The following CFD variants were observed in gnomAD, a reference collection of about 807,000 sequenced individuals.
The protein encoded by CFD is complement factor D, also known as C3 convertase activator.
CFD carries 24 observed loss-of-function variants against 21.1 expected under a neutral mutation model. The ratio of observed to expected loss-of-function variants is 1.14; its 90% confidence interval spans 0.82 to 1.60. The LOEUF (loss-of-function observed/expected upper bound fraction) is 1.60. Ranked by LOEUF, CFD falls within the 40% of genes most tolerant of loss-of-function variation. The pLI is 0.00. For synonymous variants in CFD, 242 were observed against 175.9 expected, an observed-to-expected ratio of 1.38 and a Z score of -2.97; for missense variants, 535 against 383.3, an observed-to-expected ratio of 1.40 and a Z score of -3.31.
At chr19:861,081 G>C in intron 3 of CFD, 76 bp downstream of exon 3, 2 of 1,473,510 alleles carry the variant, frequency 1.4e-6, no homozygotes, top group South Asian at 2.4e-5. Flanking sequence ...CGCCTACACC[G>C]CGCCCCGGGT....
At chr19:862,967 C>A in intron 4 of CFD, 125 bp from the exon 5 acceptor site, 1 of 1,022,230 alleles carries the variant, frequency 9.8e-7, no homozygotes, top group Non-Finnish European at 1.4e-6. Flanking sequence ...CTAGTGAAGA[C>A]CAAATTAACA....
rs1214926643 is a variant in CFD at position 863,202 on chromosome 19, G to A, written c.726G>A (p.Ala242=). Residue 242 remains alanine, a synonymous_variant, in exon 5 of 5, where the codon GCG becomes GCA. Transcript: ENST00000327726. ...RKKPGIYTRV[A]SYAAWIDSVL... is the part of the protein sequence containing the mutation. ...AGCCCGGGATCTACACCCGCGTGGCGAGCTATGCGGCCTGGATCGACAGCG... is the reference window on the plus strand; with the variant it reads ...AGCCCGGGATCTACACCCGCGTGGCAAGCTATGCGGCCTGGATCGACAGCG... 12 of 1,541,090 alleles carry A rather than the reference G, an allele frequency of 7.8e-6. No homozygotes were observed. Among genetic ancestry groups the A allele is most frequent in the Admixed American group, 2.0e-5 (1 of 51,140 alleles).
chr19:859,834 AG>A, intron 1 of CFD, 90 bp downstream of exon 1: 1 of 955,490 alleles, frequency 1.0e-6, no homozygotes, highest in Non-Finnish European at 1.6e-6. Context: ...CAGCCCCTCC[AG>A]GTGGGCAGGA....
intron 1 of CFD, 79 bp downstream of exon 1, chr19:859,823 C>T (rs1410435642): frequency 1.4e-5 from 16 of 1,117,190 alleles, no homozygotes; most frequent in Admixed American, 4.0e-5. Flanking sequence ...GGACGGTCCT[C>T]CAGCCCCTCC....
Position 863,262 on chromosome 19 carries a change from G to A in CFD, c.*24G>A, listed in dbSNP as rs566157889. The stretch of plus-strand genomic sequence containing the variant: ...AGGGTGCCGGGGCCTGAAGGTCAGG[G>A]TCACCCAAGCAACAAAGTCCCGAGC... On this transcript the variant is annotated 3_prime_UTR_variant, in exon 5 of 5. Transcript: ENST00000327726. 1.9e-6 allele frequency: 3 copies of A among 1,546,670 alleles called. No individual in the cohort carries two copies. The Admixed American group carries it at 5.8e-5, about 30-fold the overall frequency.
chr19:861,091 T>G, intron 3 of CFD, 86 bp downstream of exon 3: 1 of 1,411,352 alleles, frequency 7.1e-7, no homozygotes. Context: ...GCGCCCCGGG[T>G]CCAGCCTCGA....
rs1418511123 is a variant in CFD, at chr19:863,583, C to T, written c.*345C>T. On this transcript the variant is annotated 3_prime_UTR_variant, in exon 5 of 5. Coordinates refer to ENST00000327726, the MANE Select transcript of CFD (RefSeq NM_001928.4). ...CACCACTGCCCTCCAGCCTGGGCAACAGAGTGAAACCTTGTCTCTCTCTAC... is the reference window on the plus strand; with the variant it reads ...CACCACTGCCCTCCAGCCTGGGCAATAGAGTGAAACCTTGTCTCTCTCTAC... 6 of 257,106 alleles carry T rather than the reference C, an allele frequency of 2.3e-5. No homozygotes were observed. The highest frequency in any genetic ancestry group is 4.8e-5 in the African/African-American group (2 of 41,512). The allele number at this position is 257,106 out of a possible 1,614,324, so 15.9% of individuals were successfully genotyped here.
In CFD at chr19:861,703, C is replaced by T. The variant is rs375772213; in HGVS notation, c.362C>T (p.Ser121Leu). ...IDHDLLLLQLSEKATLGPAVR... is the reference protein window; with the variant it reads ...IDHDLLLLQLLEKATLGPAVR... Reference sequence around the variant, plus strand: ...GACGTCCGCCTCCACCCTCAGCTGTCGGAGAAGGCCACACTGGGCCCTGCT... The same window carrying T: ...GACGTCCGCCTCCACCCTCAGCTGTTGGAGAAGGCCACACTGGGCCCTGCT... The change falls in exon 4 of 5, where the codon TCG becomes TTG. Residue 121 changes from serine to leucine, a missense_variant. Physicochemically the swap from Ser to Leu is moderately radical, Grantham distance 145. Transcript: ENST00000327726. 145 of 1,600,582 alleles carry T rather than the reference C, an allele frequency of 9.1e-5. No homozygotes were observed. The highest frequency in any genetic ancestry group is 3.6e-4 in the Middle Eastern group (2 of 5,588).
chr19:861,462 C>T lies in CFD; in HGVS notation c.358-237C>T, dbSNP rs1420600779. ...GGGAGCCCCCCACCCCCCGCTCCCCCTGCATCCCCATCCCGGTTCCAGCCT... is the reference window on the plus strand; with the variant it reads ...GGGAGCCCCCCACCCCCCGCTCCCCTTGCATCCCCATCCCGGTTCCAGCCT... On this transcript the variant is annotated intron_variant, in intron 3 of 4. Coordinates refer to ENST00000327726, the MANE Select transcript of CFD (RefSeq NM_001928.4). 2.1e-5 allele frequency among the ~76,000 whole-genome samples: 3 copies of T among 141,814 alleles called. No individual in the cohort carries two copies. The Admixed American group carries it at 2.1e-4, about 10-fold the overall frequency. The allele number at this position is 141,814 out of a possible 152,430, so 93.0% of individuals were successfully genotyped here.
chr19:861,821 C>A lies in CFD; in HGVS notation c.480C>A (p.Gly160=), dbSNP rs575456948. 3.8e-5 allele frequency: 61 copies of A among 1,602,062 alleles called. No individual in the cohort carries two copies. Among genetic ancestry groups the A allele is most frequent in the Non-Finnish European group, 9.3e-6 (11 of 1,178,998 alleles). ...GCTGGGGCATAGTCAACCACGCGGG[C>A]CGCCGCCCGGACAGCCTGCAGCACG... The part of the protein sequence containing the change: ...VAGWGIVNHA[G]RRPDSLQHVL... Residue 160 remains glycine (G), a synonymous_variant, in exon 4 of 5, where the codon GGC becomes GGA. Transcript: ENST00000327726.
chr19:860,430 A>ACCCCCCCCCAC, intron 1 of CFD, among the ~76,000 whole-genome samples, 187 bp from the exon 2 acceptor site: 1 of 140,440 alleles, frequency 7.1e-6, no homozygotes, highest in South Asian at 2.2e-4. Flanking sequence ...CATGATCTGC[A>ACCCCCCCCCAC]CCCCCCCCTC....
rs72025627 is a variant in CFD, at chr19:860,430, A to ACT, written c.56-186_56-185insTC. ...TTGAACTCCTGACCTCATGATCTGC[A>ACT]CCCCCCCCTCCCCCCCCGCCCCCGC... is the stretch of plus-strand genomic sequence containing the variant. On this transcript the variant is annotated intron_variant, in intron 1 of 4. Coordinates refer to ENST00000327726, the MANE Select transcript of CFD (RefSeq NM_001928.4). Among the ~76,000 whole-genome samples, 9 of 140,440 alleles carry ACT rather than the reference A, an allele frequency of 6.4e-5. No homozygotes were observed. The East Asian group carries it at 1.9e-3, about 30-fold the overall frequency. The allele number at this position is 140,440 out of a possible 152,430, so 92.1% of individuals were successfully genotyped here.
rs1271250575 is a variant in CFD, at chr19:863,071, G to A, written c.616-21G>A. 6.0e-6 allele frequency: 9 copies of A among 1,500,682 alleles called. 1 individual carries two copies. In the Admixed American group the frequency reaches 6.2e-5, roughly 10 times the overall value. The allele number at this position is 1,500,682 out of a possible 1,614,324, so 93.0% of individuals were successfully genotyped here. ...GGGGTGGGCGCGGGCCGCCCCTCAC[G>A]GCCCCGTCCTGTTCCGGCAGGGTGA... On this transcript the variant is annotated intron_variant, in intron 4 of 4. Transcript: ENST00000327726.
Position 863,141 on chromosome 19 carries a change from T to C in CFD, c.665T>C (p.Val222Ala), listed in dbSNP as rs748165463. The change falls in exon 5 of 5, where the codon GTC (valine) becomes GCC (alanine). Residue 222 changes from valine to alanine, a missense_variant. Val to Ala is a moderately conservative substitution (Grantham distance 64, BLOSUM62 0). Coordinates refer to ENST00000327726, the MANE Select transcript of CFD (RefSeq NM_001928.4). Reference protein sequence around the residue: ...LVCGGVLEGVVTSGSRVCGNR... With the variant: ...LVCGGVLEGVATSGSRVCGNR... ...TGCGGGGGCGTGCTCGAGGGCGTGG[T>C]CACCTCGGGCTCGCGCGTTTGCGGC... The C allele has an allele frequency of 3.3e-5, 50 of 1,534,186 alleles. No individual in the cohort carries two copies. The highest frequency in any genetic ancestry group is 4.1e-5 in the Non-Finnish European group (47 of 1,145,110).
rs753097110 is a variant in CFD, at chr19:860,970, C to T, written c.322C>T (p.Pro108Ser). 1.4e-5 allele frequency: 22 copies of T among 1,599,882 alleles called. No homozygotes were observed. Among genetic ancestry groups the T allele is most frequent in the Non-Finnish European group, 3.4e-6 (4 of 1,179,578 alleles). ...LRAVPHPDSQPDTIDHDLLLL... is the reference protein window; with the variant it reads ...LRAVPHPDSQSDTIDHDLLLL... Reference sequence around the variant, plus strand: ...CGCAGTGCCCCACCCGGACAGCCAGCCCGACACCATCGACCACGACCTCCT... The same window carrying T: ...CGCAGTGCCCCACCCGGACAGCCAGTCCGACACCATCGACCACGACCTCCT... The change falls in exon 3 of 5, where the codon CCC becomes TCC. Residue 108 changes from proline to serine, a missense_variant. Coordinates refer to ENST00000327726, the MANE Select transcript of CFD (RefSeq NM_001928.4).
chr19:861,734 C>T lies in CFD; in HGVS notation c.393C>T (p.Arg131=), dbSNP rs777431755. The change falls in exon 4 of 5, where the codon CGC becomes CGT. Residue 131 remains arginine (R), a synonymous_variant. Transcript: ENST00000327726. ...SEKATLGPAV[R]PLPWQRVDRD... The stretch of plus-strand genomic sequence containing the variant: ...AGGCCACACTGGGCCCTGCTGTGCG[C>T]CCCCTGCCCTGGCAGCGCGTGGACC... 6 of 1,604,640 alleles carry T rather than the reference C, an allele frequency of 3.7e-6. No individual in the cohort carries two copies. Among genetic ancestry groups the T allele is most frequent in the South Asian group, 1.1e-5 (1 of 90,168 alleles).
Position 861,926 on chromosome 19 carries a change from C to A in CFD, c.585C>A (p.Cys195Ter). The A allele has an allele frequency of 1.2e-5, 19 of 1,564,294 alleles. No individual in the cohort carries two copies. Among genetic ancestry groups the A allele is most frequent in the Non-Finnish European group, 1.6e-5 (19 of 1,162,294 alleles). Reference sequence around the variant, plus strand: ...GCGCCATCACCGAGCGCTTGATGTGCGCGGAGAGCAATCGCCGGGACAGCT... The same window carrying A: ...GCGCCATCACCGAGCGCTTGATGTGAGCGGAGAGCAATCGCCGGGACAGCT... ...HDGAITERLM[C>*]AESNRRDSCK... The change falls in exon 4 of 5, where the codon TGC (cysteine) becomes TGA (stop). Residue 195 changes from cysteine to a stop codon, truncating the protein, a stop_gained. Coordinates refer to ENST00000327726, the MANE Select transcript of CFD (RefSeq NM_001928.4). LOFTEE classifies it low-confidence loss of function (END_TRUNC).
At chr19:862,830 G>A (rs1156511046) in intron 4 of CFD, among the ~76,000 whole-genome samples, 2 of 151,822 alleles carry the variant, frequency 1.3e-5, no homozygotes, top group Non-Finnish European at 2.9e-5. Flanking sequence ...CTTGGAGCGG[G>A]GTGGGGTCGG....
intron 3 of CFD, among the ~76,000 whole-genome samples, chr19:861,459 C>T (rs1342462143): frequency 2.1e-5 from 3 of 141,078 alleles, no homozygotes; most frequent in African/African-American, 5.3e-5. Flanking sequence ...CCCCCCGCTC[C>T]CCCTGCATCC....
Sources: allele counts gnomAD v4.1 joint callset (sites outside exome capture counted in the v4.1 genomes callset), GRCh38; gene constraint gnomAD v4.1.1; transcripts MANE v1.5; gene names NCBI Gene and HGNC (gene_info 2026-07-23, HGNC 2026-07-21).